Variants in PRUNE2 observed in about 807,000 individuals in gnomAD.
PRUNE2 encodes the protein prune homolog 2 with BCH domain.
PRUNE2 carries 164 observed loss-of-function variants against 252.0 expected under a neutral mutation model. That is an observed-to-expected ratio of 0.65 (90% CI 0.57 to 0.74). PRUNE2 has a LOEUF of 0.74. Among genes scored for constraint, PRUNE2 ranks in the 30% least tolerant of loss-of-function variants. The pLI is 0.00. For missense variants in PRUNE2, 3,495 were observed against 3,711.0 expected (o/e 0.94, Z 1.51); for synonymous variants, 1,292 against 1,350.2 (o/e 0.96, Z 0.94).
Position 76,826,713 on chromosome 9 carries a change from C to T in PRUNE2, c.528G>A (p.Trp176Ter). The change falls in exon 5 of 19, where the codon TGG becomes TGA. Residue 176 changes from tryptophan to a stop codon, truncating the protein, a stop_gained. Coordinates refer to ENST00000376718, the MANE Select transcript of PRUNE2 (RefSeq NM_015225.3). LOFTEE classifies it high-confidence loss of function. ...HRLRGSILFK[W>*]MTMESEKISE... ...AGATCTTCTCTGATTCCATGGTCAT[C>T]CACTTGAAAAGAATGCTACCTGAAA... The T allele has an allele frequency of 2.5e-6, 4 of 1,608,996 alleles. No individual in the cohort carries two copies. The highest frequency in any genetic ancestry group is 3.4e-5 in the Admixed American group (2 of 59,518).
intron 6 of PRUNE2, among the ~76,000 whole-genome samples, chr9:76,794,913 T>C (rs188424637): frequency 4.2e-4 from 64 of 152,332 alleles, no homozygotes; most frequent in Admixed American, 1.6e-3. Context: ...CCAATTATTA[T>C]AATTATTATT....
intron 6 of PRUNE2, chr9:76,782,968 C>A (rs1372755900): frequency 6.6e-6 from 1 of 152,222 alleles, no homozygotes; most frequent in East Asian, 1.9e-4. Flanking sequence ...ATTAGACAAT[C>A]TTTAAGATCT....
chr9:76,615,615 C>A (rs1183222779), intron 18 of PRUNE2, among the ~76,000 whole-genome samples: 1 of 152,178 alleles, frequency 6.6e-6, no homozygotes, highest in Non-Finnish European at 1.5e-5. Context: ...ATTTCTGTAT[C>A]TGTAAAATGG....
chr9:76,857,733 C>G (rs186624284), intron 1 of PRUNE2, among the ~76,000 whole-genome samples: 11 of 152,306 alleles, frequency 7.2e-5, no homozygotes, highest in South Asian at 2.1e-4. Context: ...AGCTTCCCCC[C>G]ACAAATGACC....
Position 76,906,031 on chromosome 9 carries a change from A to G in PRUNE2, c.-68T>C, listed in dbSNP as rs2063475613. On this transcript the variant is annotated 5_prime_UTR_variant, in exon 1 of 19. Transcript: ENST00000376718. The stretch of plus-strand genomic sequence containing the variant: ...AGTGGAAAATCTCGGCCCAAGGAAG[A>G]CGAGCGGGGTCCCGGGAAAGTGGCC... 2 of 1,556,670 alleles carry G rather than the reference A, an allele frequency of 1.3e-6. No individual in the cohort carries two copies. Among genetic ancestry groups the G allele is most frequent in the Non-Finnish European group, 1.8e-6 (2 of 1,129,136 alleles).
chr9:76,884,072 C>A (rs1014339813), intron 1 of PRUNE2, among the ~76,000 whole-genome samples: 2 of 152,140 alleles, frequency 1.3e-5, no homozygotes, highest in African/African-American at 4.8e-5. Flanking sequence ...ATGTTTGTTT[C>A]CCTCTCCCTT....
At chr9:76,689,582 C>A in intron 9 of PRUNE2, among the ~76,000 whole-genome samples, 1 of 152,070 alleles carries the variant, frequency 6.6e-6, no homozygotes. Context: ...TGGTCTCAAA[C>A]TTCTGGTCTC....
intron 16 of PRUNE2, among the ~76,000 whole-genome samples, chr9:76,626,188 G>A (rs1033823981): frequency 1.3e-5 from 2 of 152,130 alleles, no homozygotes; most frequent in South Asian, 4.2e-4. Context: ...CACTAATTAA[G>A]TGTTTGCAGT....
chr9:76,670,436 G>A (rs1276966241), intron 9 of PRUNE2, among the ~76,000 whole-genome samples: 1 of 152,030 alleles, frequency 6.6e-6, no homozygotes, highest in Non-Finnish European at 1.5e-5. Context: ...TAGCACAGCA[G>A]TCTGAGATCA....
rs1399214146 is a variant in PRUNE2 at position 76,704,041 on chromosome 9, A to C, written c.7572T>G (p.Pro2524=). ...EEEKTIPTKE[P]EQIKSEYKEE... is the part of the protein sequence containing the mutation. ...CCTTGTATTCTGATTTTATCTGCTC[A>C]GGCTCTTTGGTAGGAATTGTTTTTT... is the stretch of plus-strand genomic sequence containing the variant. The change falls in exon 9 of 19, where the codon CCT becomes CCG. Residue 2524 remains proline (P), a synonymous_variant. Coordinates refer to ENST00000376718, the MANE Select transcript of PRUNE2 (RefSeq NM_015225.3). The C allele has an allele frequency of 1.9e-6, 3 of 1,609,652 alleles. No homozygotes were observed. Among genetic ancestry groups the C allele is most frequent in the Non-Finnish European group, 2.5e-6 (3 of 1,178,852 alleles).
At chr9:76,882,992 T>C (rs1199712132) in intron 1 of PRUNE2, among the ~76,000 whole-genome samples, 1 of 152,226 alleles carries the variant, frequency 6.6e-6, no homozygotes, top group African/African-American at 2.4e-5. Context: ...ACTTCCTCTT[T>C]CAGGCCTCAG....
intron 6 of PRUNE2, among the ~76,000 whole-genome samples, chr9:76,805,961 T>G (rs530009596): frequency 6.6e-6 from 1 of 152,142 alleles, no homozygotes; most frequent in Non-Finnish European, 1.5e-5. Context: ...TAGAAGATAA[T>G]TCATGTAAAG....
At chr9:76,772,414 T>C (rs915811133) in intron 6 of PRUNE2, among the ~76,000 whole-genome samples, 5 of 152,160 alleles carry the variant, frequency 3.3e-5, no homozygotes, top group African/African-American at 1.2e-4. Context: ...GCATAACCAA[T>C]CACTTGCTAC....
chr9:76,635,572 G>T lies in PRUNE2; in HGVS notation c.9050+899C>A, dbSNP rs183224813. On this transcript the variant is annotated intron_variant, in intron 15 of 18. Transcript: ENST00000376718. Reference sequence around the variant, plus strand: ...ATTAGCAATTGGAAGTGGGGAATAAGAATAATAAATAAATATAACTAAATA... The same window carrying T: ...ATTAGCAATTGGAAGTGGGGAATAATAATAATAAATAAATATAACTAAATA... 1.9e-4 allele frequency among the ~76,000 whole-genome samples: 29 copies of T among 152,076 alleles called. No homozygotes were observed. The East Asian group carries it at 5.0e-3, about 26-fold the overall frequency.
At chr9:76,856,519 G>T (rs2060258029) in intron 1 of PRUNE2, 1 of 152,100 alleles carries the variant, frequency 6.6e-6, no homozygotes. Context: ...AGGAAGAAAA[G>T]GTGCTAAATG....
At position 76,647,654 on chromosome 9, in the gene PRUNE2, T is replaced by C. The variant is rs1325655044; in HGVS notation, c.8558-2745A>G. Among the ~76,000 whole-genome samples, 5 of 152,092 alleles carry C rather than the reference T, an allele frequency of 3.3e-5. No individual in the cohort carries two copies. In the East Asian group the frequency reaches 7.7e-4, roughly 23 times the overall value. On this transcript the variant is annotated intron_variant, in intron 11 of 18. Coordinates refer to ENST00000376718, the MANE Select transcript of PRUNE2 (RefSeq NM_015225.3). The stretch of plus-strand genomic sequence containing the variant: ...CTGATGAGGACTGTTATCCAAAATA[T>C]ACAAAGAATGCTTAATACTCAACAA...
At chr9:76,725,454 G>A (rs2048030100) in intron 6 of PRUNE2, among the ~76,000 whole-genome samples, 1 of 152,114 alleles carries the variant, frequency 6.6e-6, no homozygotes, top group Admixed American at 6.6e-5. Context: ...CCTCTCTGCT[G>A]ACAACTCATT....
Position 76,751,251 on chromosome 9 carries a change from GACACAC to G in PRUNE2, c.757-37536_757-37531del, listed in dbSNP as rs3048276. ...TGGCAGAAGTTCCCTAGGGGACACAGACACACACACACACACACACAGACACACACA... is the reference window on the plus strand; with the variant it reads ...TGGCAGAAGTTCCCTAGGGGACACAGACACACACACACACAGACACACACA... On this transcript the variant is annotated intron_variant, in intron 6 of 18. Transcript: ENST00000376718. Among the ~76,000 whole-genome samples the G allele has an allele frequency of 1.6e-4, 24 of 149,242 alleles. No individual in the cohort carries two copies. The East Asian group carries it at 4.1e-3, about 26-fold the overall frequency.
Position 76,826,638 on chromosome 9 carries a change from G to A in PRUNE2, c.603C>T (p.Asn201=). 6.2e-7 allele frequency: 1 copy of A among 1,613,116 alleles called. No individual in the cohort carries two copies. The highest frequency in any genetic ancestry group is 8.5e-7 in the Non-Finnish European group (1 of 1,179,418). ...ILSILEEKFP[N]LPPREDIINV... ...TGATGATGTCCTCTCTTGGAGGCAA[G>A]TTAGGAAATTTTTCTTCCAGGATAG... The change falls in exon 5 of 19, where the codon AAC becomes AAT. Residue 201 remains asparagine, a synonymous_variant. Transcript: ENST00000376718.
Sources: gnomAD v4.1 joint callset for allele counts (sites outside exome capture counted in the v4.1 genomes callset) on GRCh38, gnomAD v4.1.1 for gene constraint, MANE v1.5 for transcripts, NCBI Gene and HGNC (gene_info 2026-07-23, HGNC 2026-07-21) for gene names.